Variants in TNRC6A observed in about 807,000 individuals in gnomAD.
TNRC6A encodes the protein trinucleotide repeat-containing gene 6A protein.
TNRC6A carries 44 observed loss-of-function variants against 221.2 expected under a neutral mutation model. That is an observed-to-expected ratio of 0.20 (90% CI 0.16 to 0.26). The LOEUF is 0.26. Among genes scored for constraint, TNRC6A ranks in the 10% least tolerant of loss-of-function variants. The pLI, the probability that TNRC6A is intolerant of heterozygous loss-of-function variation, is 1.00. For missense variants in TNRC6A, 2,199 were observed against 2,404.4 expected (o/e 0.91, Z 1.79); for synonymous variants, 847 against 838.5 (o/e 1.01, Z -0.18).
intron 2 of TNRC6A, among the ~76,000 whole-genome samples, chr16:24,702,629 T>C (rs995177951): frequency 6.6e-6 from 1 of 152,124 alleles, no homozygotes; most frequent in Non-Finnish European, 1.5e-5. Flanking sequence ...AAATATACAA[T>C]TTGGCTGGGC....
chr16:24,726,274 A>T (rs1174351584), upstream of TNRC6A, among the ~76,000 whole-genome samples: 1 of 152,040 alleles, frequency 6.6e-6, no homozygotes, highest in Admixed American at 6.6e-5. Context: ...GAGAAGGGGG[A>T]AGAACAGAAG....
intron 5 of TNRC6A, among the ~76,000 whole-genome samples, chr16:24,780,289 A>G (rs534717964): frequency 2.0e-5 from 3 of 152,298 alleles, no homozygotes; most frequent in South Asian, 4.1e-4. Context: ...ATATGCATGC[A>G]TGTGCACATT....
At chr16:24,698,281 G>A (rs1244456570) in intron 2 of TNRC6A, among the ~76,000 whole-genome samples, 3 of 152,112 alleles carry the variant, frequency 2.0e-5, no homozygotes, top group Non-Finnish European at 4.4e-5. Context: ...AAGAAGCGGT[G>A]GTTTGGGTAT....
intron 4 of TNRC6A, among the ~76,000 whole-genome samples, chr16:24,774,626 C>T (rs759432916): frequency 6.6e-6 from 1 of 152,146 alleles, no homozygotes; most frequent in Non-Finnish European, 1.5e-5. Context: ...ACCTGTATTA[C>T]AGCAGCAGGT....
At chr16:24,634,278 C>T (rs1322962024) in intron 1 of TNRC6A, among the ~76,000 whole-genome samples, 1 of 151,920 alleles carries the variant, frequency 6.6e-6, no homozygotes, top group African/African-American at 2.4e-5. Flanking sequence ...AAATACAAAA[C>T]AGATAGCCAG....
intron 2 of TNRC6A, among the ~76,000 whole-genome samples, chr16:24,718,123 T>C (rs1202411642): frequency 6.6e-6 from 1 of 152,070 alleles, no homozygotes; most frequent in Non-Finnish European, 1.5e-5. Context: ...AACTTAATAC[T>C]TCCCAGGCAC....
At chr16:24,749,688 A>C (rs1476024175) in intron 2 of TNRC6A, among the ~76,000 whole-genome samples, 1 of 152,168 alleles carries the variant, frequency 6.6e-6, no homozygotes, top group African/African-American at 2.4e-5. Flanking sequence ...ATTTGCTTTG[A>C]ATAGAATAAA....
intron 14 of TNRC6A, 199 bp from the exon 15 acceptor site, chr16:24,805,406 G>T: frequency 1.1e-6 from 1 of 895,892 alleles, no homozygotes. Flanking sequence ...ACTAGTTTAA[G>T]ATGCACCTCT....
intron 13 of TNRC6A, 39 bp downstream of exon 13, chr16:24,804,890 AT>A (rs771973002): frequency 6.2e-7 from 1 of 1,613,412 alleles, no homozygotes; most frequent in Non-Finnish European, 8.5e-7. Flanking sequence ...CAGTTGAATG[AT>A]TTGTATTAGT....
chr16:24,681,506 G>A (rs534355734), intron 2 of TNRC6A, among the ~76,000 whole-genome samples: 5 of 152,312 alleles, frequency 3.3e-5, no homozygotes, highest in Admixed American at 2.0e-4. Context: ...AGGATTGCAG[G>A]CGTGAGCCAT....
intron 3 of TNRC6A, among the ~76,000 whole-genome samples, chr16:24,753,257 A>G (rs1353038473): frequency 6.6e-6 from 1 of 152,156 alleles, no homozygotes; most frequent in East Asian, 1.9e-4. Flanking sequence ...TCTCACCTCA[A>G]CCATGTCCTT....
chr16:24,776,866 A>T (rs2057729227), intron 4 of TNRC6A, 67 bp from the exon 5 acceptor site: 1 of 1,536,434 alleles, frequency 6.5e-7, no homozygotes, highest in Non-Finnish European at 8.8e-7. Flanking sequence ...TTGAATTTAG[A>T]TGGCTTACTT....
chr16:24,781,099 G>C (rs2057835962), intron 5 of TNRC6A, among the ~76,000 whole-genome samples: 1 of 110,628 alleles, frequency 9.0e-6, no homozygotes, highest in South Asian at 3.1e-4. Context: ...TTGTCACCCA[G>C]ACTGGAGTGC....
Position 24,798,700 on chromosome 16 carries a change from C to G in TNRC6A, c.3694+734C>G, listed in dbSNP as rs1286540700. 2.6e-5 allele frequency among the ~76,000 whole-genome samples: 4 copies of G among 152,092 alleles called. No homozygotes were observed. The East Asian group carries it at 7.7e-4, about 29-fold the overall frequency. ...CTTGGAATCAACAAAAATTGATAAC[C>G]AGTTTGAACCAATTTGTTAGGCAGG... On this transcript the variant is annotated intron_variant, in intron 11 of 24. Transcript: ENST00000395799.
chr16:24,749,342 A>C (rs1053766813), intron 2 of TNRC6A, among the ~76,000 whole-genome samples: 1 of 152,166 alleles, frequency 6.6e-6, no homozygotes, highest in Non-Finnish European at 1.5e-5. Context: ...AGCCTCCAGT[A>C]AGATGGGCTT....
intron 1 of TNRC6A, among the ~76,000 whole-genome samples, chr16:24,624,058 C>T (rs1324774527): frequency 6.6e-6 from 1 of 152,150 alleles, no homozygotes; most frequent in African/African-American, 2.4e-5. Context: ...ACATACGCGG[C>T]TCTGCTGCTC....
rs560127480 is a variant in TNRC6A at position 24,823,163 on chromosome 16, G to A, written c.5513+150G>A. 13 of 1,216,530 alleles carry A rather than the reference G, an allele frequency of 1.1e-5. No individual in the cohort carries two copies. The highest frequency in any genetic ancestry group is 7.8e-5 in the Admixed American group (4 of 51,078). 75.4% of individuals were successfully genotyped at this position (1,216,530 alleles called of 1,614,324 possible). On this transcript the variant is annotated intron_variant, in intron 24 of 24. Coordinates refer to ENST00000395799, the MANE Select transcript of TNRC6A (RefSeq NM_014494.4). The surrounding 1 kb of genome is among the most constrained non-coding windows in gnomAD (Gnocchi z 4.3). ...ATTCCAAGGTCGGCATTCCTAAGCG[G>A]GGAATCAGACCTGGCTAGATGGCCC...
Position 24,772,567 on chromosome 16 carries a change from C to G in TNRC6A, c.164-4366C>G, listed in dbSNP as rs150936528. 5.6e-3 allele frequency among the ~76,000 whole-genome samples: 854 copies of G among 151,980 alleles called. 5 individuals are homozygous for G. The highest frequency in any genetic ancestry group is 8.9e-3 in the Non-Finnish European group (602 of 67,960). On this transcript the variant is annotated intron_variant, in intron 4 of 24. Transcript: ENST00000395799. Reference sequence around the variant, plus strand: ...TGGGAGGCCAAGGCAGGAGGATCACCTGAGATCAGGAGTTCGAGACCAGCC... The same window carrying G: ...TGGGAGGCCAAGGCAGGAGGATCACGTGAGATCAGGAGTTCGAGACCAGCC...
At chr16:24,660,149 T>C (rs2054998318) in intron 2 of TNRC6A, among the ~76,000 whole-genome samples, 1 of 152,106 alleles carries the variant, frequency 6.6e-6, no homozygotes, top group East Asian at 1.9e-4. Context: ...TCTTTAGTGG[T>C]GATGCGTGAG....
Sources: allele counts gnomAD v4.1 joint callset (sites outside exome capture counted in the v4.1 genomes callset), GRCh38; gene constraint gnomAD v4.1.1; non-coding constraint Gnocchi (gnomAD v3.1); transcripts MANE v1.5; gene names NCBI Gene and HGNC (gene_info 2026-07-23, HGNC 2026-07-21).